NCKAP5: variants seen among roughly 807,000 people sequenced by gnomAD.
NCKAP5 encodes the protein NCK associated protein 5, also known as nck-associated protein 5.
Under a neutral mutation model 167.0 loss-of-function variants are expected in NCKAP5, and 92 were observed. The ratio of observed to expected loss-of-function variants is 0.55; its 90% CI spans 0.47 to 0.66. The LOEUF is 0.66. Among genes scored for constraint, NCKAP5 ranks in the 30% least tolerant of loss-of-function variants. The pLI is 0.00. For missense variants in NCKAP5, 2,378 were observed against 2,315.0 expected (o/e 1.03, Z -0.56); for synonymous variants, 891 against 877.4 (o/e 1.02, Z -0.27).
rs536447154 is a variant in NCKAP5 at position 132,716,742 on chromosome 2, C to A, written c.5713+8885G>T. Among the ~76,000 whole-genome samples, 5 of 152,268 alleles carry A rather than the reference C, an allele frequency of 3.3e-5. No individual in the cohort carries two copies. The East Asian group carries it at 5.8e-4, about 18-fold the overall frequency. ...CCAATTTAATTGAGCAACGGCCTTG[C>A]TACGGCACACTGCTCTTTCGACAGG... On this transcript the variant is annotated intron_variant, in intron 19 of 19. Transcript: ENST00000409261.
At chr2:133,045,499 A>G (rs1489423842) in intron 6 of NCKAP5, among the ~76,000 whole-genome samples, 1 of 152,098 alleles carries the variant, frequency 6.6e-6, no homozygotes, top group East Asian at 1.9e-4. Context: ...TCTATTTGTA[A>G]TATTCCATTT....
intron 8 of NCKAP5, among the ~76,000 whole-genome samples, chr2:132,946,602 A>C (rs1292821404): frequency 6.6e-6 from 1 of 152,204 alleles, no homozygotes; most frequent in Non-Finnish European, 1.5e-5. Flanking sequence ...TCACCTTCAT[A>C]AGTTTATATA....
intron 15 of NCKAP5, among the ~76,000 whole-genome samples, chr2:132,776,241 T>C (rs1682533741): frequency 6.6e-6 from 1 of 152,216 alleles, no homozygotes; most frequent in South Asian, 2.1e-4. Context: ...CCATAAACTA[T>C]ATTTTAAGAG....
At chr2:133,187,363 A>C (rs968662284) in intron 5 of NCKAP5, among the ~76,000 whole-genome samples, 1 of 152,014 alleles carries the variant, frequency 6.6e-6, no homozygotes, top group African/African-American at 2.4e-5. Flanking sequence ...CTTGGAAAGC[A>C]CAATGTAAAA....
the NCKAP5 span, among the ~76,000 whole-genome samples, chr2:133,621,300 A>G: frequency 7.9e-5 from 12 of 152,028 alleles, no homozygotes; most frequent in East Asian, 1.9e-4. Context: ...ATTGAAACAA[A>G]ACAAAAAAAA....
intron 3 of NCKAP5, among the ~76,000 whole-genome samples, chr2:133,369,129 G>A (rs1484987164): frequency 6.6e-6 from 1 of 152,156 alleles, no homozygotes; most frequent in Non-Finnish European, 1.5e-5. Flanking sequence ...TAGAAATGAT[G>A]TGGAAAGAAA....
chr2:133,162,068 T>C lies in NCKAP5; in HGVS notation c.208-31957A>G, dbSNP rs1023187604. ...GCACTTACTCATTCTTGGCCTTTTC[T>C]GTGCCCTCTTGTATAGTTCATATAT... is the stretch of plus-strand genomic sequence containing the variant. On this transcript the variant is annotated intron_variant, in intron 5 of 19. Transcript: ENST00000409261. Among the ~76,000 whole-genome samples the C allele has an allele frequency of 5.9e-5, 9 of 152,234 alleles. No homozygotes were observed. In the South Asian group the frequency reaches 1.9e-3, roughly 31 times the overall value.
At chr2:133,100,975 C>T (rs1325214840) in intron 6 of NCKAP5, among the ~76,000 whole-genome samples, 2 of 152,166 alleles carry the variant, frequency 1.3e-5, no homozygotes, top group Admixed American at 1.3e-4. Flanking sequence ...GAAGTCCTTG[C>T]CCACACCTAT....
chr2:133,084,287 C>G (rs898751076), intron 6 of NCKAP5, among the ~76,000 whole-genome samples: 1 of 152,160 alleles, frequency 6.6e-6, no homozygotes, highest in Non-Finnish European at 1.5e-5. Context: ...ACAGTTTCAT[C>G]TTGGGACCTG....
At chr2:132,841,145 T>G (rs1380424220) in intron 11 of NCKAP5, among the ~76,000 whole-genome samples, 1 of 152,192 alleles carries the variant, frequency 6.6e-6, no homozygotes. Context: ...CAGTCTGATA[T>G]CTAGCAAAGC....
the NCKAP5 span, among the ~76,000 whole-genome samples, chr2:133,625,413 C>T: frequency 1.3e-5 from 2 of 152,020 alleles, no homozygotes; most frequent in Non-Finnish European, 2.9e-5. Flanking sequence ...ACAATTTGCA[C>T]CAAAAGGAAC....
At chr2:132,874,895 GTTTAT>G (rs72377677) in intron 9 of NCKAP5, among the ~76,000 whole-genome samples, 69,214 of 150,244 alleles carry the variant, frequency 0.46, 16,496 homozygotes, top group East Asian at 0.8. Context: ...CTGGGATATG[GTTTAT>G]TTTATTTTAT....
chr2:132,725,828 G>T, intron 18 of NCKAP5, 69 bp from the exon 19 acceptor site: 2 of 1,507,788 alleles, frequency 1.3e-6, no homozygotes, highest in East Asian at 2.3e-5. Flanking sequence ...ATCCTGTGAG[G>T]ATGCGACACA....
intron 4 of NCKAP5, among the ~76,000 whole-genome samples, chr2:133,289,283 T>C (rs746729186): frequency 1.3e-5 from 2 of 152,224 alleles, no homozygotes; most frequent in African/African-American, 2.4e-5. Flanking sequence ...ATAATCATAA[T>C]TTATTTTTAC....
chr2:133,337,426 T>C (rs1480868810), intron 3 of NCKAP5, among the ~76,000 whole-genome samples: 1 of 152,224 alleles, frequency 6.6e-6, no homozygotes, highest in African/African-American at 2.4e-5. Context: ...TGAGTTCTAA[T>C]CAGACTGACA....
At chr2:132,893,665 C>A (rs561920724) in intron 8 of NCKAP5, among the ~76,000 whole-genome samples, 1 of 152,052 alleles carries the variant, frequency 6.6e-6, no homozygotes, top group Admixed American at 6.5e-5. Context: ...TTTCAAAAAG[C>A]AAGCAAATTA....
chr2:133,609,203 G>T, the NCKAP5 span, among the ~76,000 whole-genome samples: 2 of 152,084 alleles, frequency 1.3e-5, no homozygotes, highest in Non-Finnish European at 2.9e-5. Flanking sequence ...TGCTTTGTGG[G>T]ATTTTTTAAT....
chr2:133,547,116 C>G (rs894488528), intron 2 of NCKAP5, among the ~76,000 whole-genome samples: 1 of 152,168 alleles, frequency 6.6e-6, no homozygotes. Flanking sequence ...AAAGGGGTGA[C>G]GGACGCACCT....
At chr2:133,625,121 T>G in the NCKAP5 span, among the ~76,000 whole-genome samples, 1 of 152,230 alleles carries the variant, frequency 6.6e-6, no homozygotes, top group Admixed American at 6.5e-5. Flanking sequence ...ATTCTGAGAC[T>G]ATTGCATGTG....
Sources: gnomAD v4.1 joint callset for allele counts (sites outside exome capture counted in the v4.1 genomes callset) on GRCh38, gnomAD v4.1.1 for gene constraint, MANE v1.5 for transcripts, NCBI Gene and HGNC (gene_info 2026-07-23, HGNC 2026-07-21) for gene names.